Variants in CLSTN2 observed in about 807,000 individuals in gnomAD.
CLSTN2 encodes calsyntenin 2.
A neutral mutation model predicts 101.2 loss-of-function variants in CLSTN2; 48 were observed. The observed-to-expected ratio is 0.47, with a 90% confidence interval of 0.38 to 0.60. The LOEUF (loss-of-function observed/expected upper bound fraction) is 0.60. Ranked by LOEUF, CLSTN2 falls within the 20% of genes least tolerant of loss-of-function variation. The pLI is 0.00. For missense variants in CLSTN2, 1,160 were observed against 1,238.2 expected, an observed-to-expected ratio of 0.94 and a Z score of 0.95; for synonymous variants, 481 against 463.6, an observed-to-expected ratio of 1.04 and a Z score of -0.48.
chr3:140,539,612 A>G (rs1935428633), intron 9 of CLSTN2, among the ~76,000 whole-genome samples: 1 of 152,196 alleles, frequency 6.6e-6, no homozygotes, highest in African/African-American at 2.4e-5. Context: ...GATGCATCCC[A>G]TCCTGGGGTT....
chr3:140,499,028 G>A (rs79940074), intron 8 of CLSTN2, among the ~76,000 whole-genome samples: 9,693 of 151,490 alleles, frequency 0.064, 377 homozygotes, highest in Non-Finnish European at 0.094. Context: ...CACTTATTGA[G>A]CATTTACTAT....
At chr3:140,095,733 G>C (rs1297983678) in intron 1 of CLSTN2, among the ~76,000 whole-genome samples, 2 of 152,230 alleles carry the variant, frequency 1.3e-5, no homozygotes, top group South Asian at 2.1e-4. Flanking sequence ...GAGAGGAAGA[G>C]TGCTTGGAAG....
intron 4 of CLSTN2, among the ~76,000 whole-genome samples, chr3:140,415,486 C>CAAAAAAAAAAG (rs2088419233): frequency 1.8e-5 from 1 of 56,868 alleles, no homozygotes; most frequent in Non-Finnish European, 3.0e-5. Context: ...CACAAAATAG[C>CAAAAAAAAAAG]AAAAAAAAAA....
At chr3:140,278,075 G>T (rs552518883) in intron 2 of CLSTN2, among the ~76,000 whole-genome samples, 1 of 152,176 alleles carries the variant, frequency 6.6e-6, no homozygotes, top group Admixed American at 6.6e-5. Flanking sequence ...TCACAGGCCC[G>T]CAGAATCAGT....
intron 9 of CLSTN2, among the ~76,000 whole-genome samples, chr3:140,538,131 G>A (rs780306168): frequency 6.6e-6 from 1 of 152,212 alleles, no homozygotes; most frequent in Non-Finnish European, 1.5e-5. Context: ...TCTTGGTGGA[G>A]ATCTCATCTC....
intron 2 of CLSTN2, among the ~76,000 whole-genome samples, chr3:140,270,416 T>C (rs1380354507): frequency 1.3e-5 from 2 of 152,196 alleles, no homozygotes; most frequent in African/African-American, 2.4e-5. Flanking sequence ...TCAGCCACTT[T>C]TGTAACAAAT....
intron 1 of CLSTN2, among the ~76,000 whole-genome samples, chr3:139,988,548 C>A (rs1936066730): frequency 6.6e-6 from 1 of 152,094 alleles, no homozygotes. Context: ...TAGTCCCTGC[C>A]CCAGAAACTT....
chr3:140,077,684 A>G (rs1331797066), intron 1 of CLSTN2, among the ~76,000 whole-genome samples: 2 of 150,914 alleles, frequency 1.3e-5, no homozygotes, highest in Non-Finnish European at 2.9e-5. Flanking sequence ...TCTCATGTAG[A>G]GGGGAGGAAA....
At chr3:140,057,915 A>G (rs1163110861) in intron 1 of CLSTN2, among the ~76,000 whole-genome samples, 1 of 152,200 alleles carries the variant, frequency 6.6e-6, no homozygotes, top group Non-Finnish European at 1.5e-5. Flanking sequence ...ATGAATGTTT[A>G]TATTTCTAAC....
At chr3:140,264,031 T>C (rs1271931442) in intron 2 of CLSTN2, among the ~76,000 whole-genome samples, 1 of 152,100 alleles carries the variant, frequency 6.6e-6, no homozygotes, top group Non-Finnish European at 1.5e-5. Context: ...CAGTTATTTG[T>C]AGGCATGTGC....
chr3:140,546,178 G>T (rs1935580177), intron 9 of CLSTN2, among the ~76,000 whole-genome samples: 1 of 152,192 alleles, frequency 6.6e-6, no homozygotes, highest in Non-Finnish European at 1.5e-5. Context: ...TGACAGACTG[G>T]CACAAGGCAG....
intron 1 of CLSTN2, among the ~76,000 whole-genome samples, chr3:139,966,020 A>C (rs1011158713): frequency 1.3e-5 from 2 of 152,188 alleles, no homozygotes; most frequent in African/African-American, 4.8e-5. Flanking sequence ...GCCAGGTGCT[A>C]GAAGAACTGG....
intron 2 of CLSTN2, among the ~76,000 whole-genome samples, chr3:140,180,864 A>G (rs917163282): frequency 5.9e-5 from 9 of 152,166 alleles, no homozygotes; most frequent in African/African-American, 2.2e-4. Flanking sequence ...TCTTTCATAC[A>G]TGGTTAACTC....
At chr3:139,961,566 G>T (rs1935511682) in intron 1 of CLSTN2, among the ~76,000 whole-genome samples, 1 of 152,150 alleles carries the variant, frequency 6.6e-6, no homozygotes, top group African/African-American at 2.4e-5. Flanking sequence ...AGTAGAAAAA[G>T]GAACATGGGT....
chr3:139,990,964 A>T (rs1365154), intron 1 of CLSTN2, among the ~76,000 whole-genome samples: 3 of 152,040 alleles, frequency 2.0e-5, no homozygotes, highest in Non-Finnish European at 4.4e-5. Flanking sequence ...ATAAAATTTT[A>T]TTTTTAAAAT....
intron 2 of CLSTN2, among the ~76,000 whole-genome samples, chr3:140,370,540 T>C (rs888097102): frequency 6.6e-6 from 1 of 152,126 alleles, no homozygotes; most frequent in Non-Finnish European, 1.5e-5. Flanking sequence ...TGGTTAATAA[T>C]GATCTGGCAG....
intron 2 of CLSTN2, among the ~76,000 whole-genome samples, chr3:140,356,647 G>T (rs533027925): frequency 6.6e-6 from 1 of 150,910 alleles, no homozygotes; most frequent in Admixed American, 6.6e-5. Context: ...CATCCCAGCT[G>T]CTCAGGAGGC....
At chr3:140,147,163 G>A (rs765284703) in intron 1 of CLSTN2, among the ~76,000 whole-genome samples, 2 of 152,208 alleles carry the variant, frequency 1.3e-5, no homozygotes, top group Non-Finnish European at 2.9e-5. Flanking sequence ...GTGCATTTAG[G>A]TAAATGTCTG....
intron 2 of CLSTN2, among the ~76,000 whole-genome samples, chr3:140,189,015 A>G (rs1211605525): frequency 6.6e-6 from 1 of 152,216 alleles, no homozygotes; most frequent in East Asian, 1.9e-4. Context: ...TATGAATGGA[A>G]TCATACAGTA....
Sources: gnomAD v4.1 joint callset for allele counts (sites outside exome capture counted in the v4.1 genomes callset) on GRCh38, gnomAD v4.1.1 for gene constraint, MANE v1.5 for transcripts, NCBI Gene and HGNC (gene_info 2026-07-23, HGNC 2026-07-21) for gene names.